The following CUX1 variants were observed in gnomAD, a reference collection of about 807,000 sequenced individuals.
CUX1 encodes the protein cut like homeobox 1.
CUX1 carries 31 observed loss-of-function variants against 158.8 expected under a neutral mutation model. That is an observed-to-expected ratio of 0.20 (90% CI 0.15 to 0.26). The LOEUF is 0.26. CUX1 is among the 10% of genes least tolerant of loss of function. The pLI is 1.00. For missense variants in CUX1, 1,589 were observed against 2,014.6 expected (o/e 0.79, Z 4.04); for synonymous variants, 879 against 862.1 (o/e 1.02, Z -0.34).
chr7:102,248,508 G>T lies in CUX1; in HGVS notation c.3984G>T (p.Arg1328=), dbSNP rs2132617926. The T allele has an allele frequency of 6.4e-7, 1 of 1,555,302 alleles. No individual in the cohort carries two copies. Among genetic ancestry groups the T allele is most frequent in the Non-Finnish European group, 8.7e-7 (1 of 1,154,398 alleles). ...ACTCACCCTCGGCCCGCAGCGGCCG[G>T]GCGGCGCCCAGCTCGGAGGGCGACA... ...ASDSPSARSG[R]AAPSSEGDSC... Residue 1328 remains arginine, a synonymous_variant, in exon 24 of 24, where the codon CGG becomes CGT. Transcript: ENST00000292535. The surrounding 1 kb of genome is among the most constrained non-coding windows in gnomAD (Gnocchi z 5.8).
chr7:102,040,236 G>A (rs566311078), intron 3 of CUX1, among the ~76,000 whole-genome samples: 13 of 152,208 alleles, frequency 8.5e-5, no homozygotes, highest in Admixed American at 7.2e-4. Flanking sequence ...GGAAGAGGTG[G>A]TAGTGACTTC....
chr7:102,228,350 C>A (rs1278510229), intron 21 of CUX1, among the ~76,000 whole-genome samples: 1 of 151,956 alleles, frequency 6.6e-6, no homozygotes, highest in Non-Finnish European at 1.5e-5. Flanking sequence ...ATAGCAAGAC[C>A]CCATCTCTAC....
At chr7:101,957,528 C>T (rs2129169182) in intron 2 of CUX1, among the ~76,000 whole-genome samples, 1 of 152,264 alleles carries the variant, frequency 6.6e-6, no homozygotes, top group East Asian at 1.9e-4. Context: ...CGAGACCAGC[C>T]TGGCCAACTT....
intron 8 of CUX1, among the ~76,000 whole-genome samples, chr7:102,143,943 C>T (rs1355183198): frequency 4.6e-5 from 7 of 151,878 alleles, no homozygotes; most frequent in East Asian, 3.9e-4. Context: ...CCACCCCACC[C>T]GGCCAATTTT....
At position 101,984,090 on chromosome 7, in the gene CUX1, ATATATATATAT is replaced by A. The variant is rs1357440055; in HGVS notation, c.142-44007_142-43997del. On this transcript the variant is annotated intron_variant, in intron 2 of 23. Coordinates refer to ENST00000292535, the MANE Select transcript of CUX1 (RefSeq NM_181552.4). The stretch of plus-strand genomic sequence containing the variant: ...TCTGTCCCCCCCCAAAAAAAAAAAA[ATATATATATAT>A]ATATATATATATATATATATATATA... Among the ~76,000 whole-genome samples the A allele has an allele frequency of 3.2e-3, 112 of 34,998 alleles. 13 individuals are homozygous for A. Among genetic ancestry groups the A allele is most frequent in the Non-Finnish European group, 4.8e-3 (95 of 19,884 alleles). The allele number at this position is 34,998 out of a possible 152,430, so 23.0% of individuals were successfully genotyped here. A position where few individuals can be genotyped will look rare whatever the true frequency, so the allele number is the denominator to read the frequency against.
intron 2 of CUX1, among the ~76,000 whole-genome samples, chr7:101,920,191 G>C (rs7791278): frequency 0.21 from 32,323 of 150,548 alleles, 4,741 homozygotes; most frequent in African/African-American, 0.42. Context: ...GCACGATCTT[G>C]GCTCACTGCA....
intron 1 of CUX1, chr7:101,824,239 C>T (rs1222267962): frequency 6.6e-6 from 1 of 152,140 alleles, no homozygotes; most frequent in Non-Finnish European, 1.5e-5. Flanking sequence ...CAGGTGTGCA[C>T]CACCACGCCC....
intron 4 of CUX1, among the ~76,000 whole-genome samples, chr7:102,086,712 C>A (rs1554480632): frequency 6.6e-6 from 1 of 151,870 alleles, no homozygotes; most frequent in African/African-American, 2.4e-5. Context: ...CGGGTTTATG[C>A]AATTCTCCTG....
intron 3 of CUX1, among the ~76,000 whole-genome samples, chr7:102,068,933 G>A (rs1276724228): frequency 2.0e-5 from 3 of 152,062 alleles, no homozygotes; most frequent in East Asian, 1.9e-4. Context: ...ATGAACAGAC[G>A]TCTACACTAG....
At chr7:101,941,359 A>G (rs1563039487) in intron 2 of CUX1, among the ~76,000 whole-genome samples, 1 of 152,182 alleles carries the variant, frequency 6.6e-6, no homozygotes, top group African/African-American at 2.4e-5. Context: ...TCATCGCTGC[A>G]TGGGGAGACC....
intron 2 of CUX1, among the ~76,000 whole-genome samples, chr7:101,967,903 G>T: frequency 6.6e-6 from 1 of 152,050 alleles, no homozygotes; most frequent in Non-Finnish European, 1.5e-5. Context: ...TTGGTTTGGG[G>T]ATTTTTCTTT....
intron 17 of CUX1, among the ~76,000 whole-genome samples, chr7:102,277,550 T>C (rs1396196887): frequency 1.3e-5 from 2 of 151,826 alleles, no homozygotes; most frequent in Non-Finnish European, 2.9e-5. Flanking sequence ...GAGCCGAGAT[T>C]GATTGCGTCG....
At chr7:102,008,997 C>T (rs889704165) in intron 2 of CUX1, among the ~76,000 whole-genome samples, 4 of 152,064 alleles carry the variant, frequency 2.6e-5, no homozygotes, top group African/African-American at 4.8e-5. Flanking sequence ...TACAGGGAAC[C>T]CTCGGCCCCG....
intron 6 of CUX1, among the ~76,000 whole-genome samples, chr7:102,106,414 C>G (rs1475005901): frequency 6.6e-6 from 1 of 152,074 alleles, no homozygotes; most frequent in African/African-American, 2.4e-5. Context: ...AAGGTGGGCT[C>G]TGTAACAATA....
At chr7:101,874,663 C>G (rs1182945045) in intron 1 of CUX1, among the ~76,000 whole-genome samples, 2 of 152,310 alleles carry the variant, frequency 1.3e-5, no homozygotes, top group East Asian at 3.9e-4. Context: ...CCCGGTCTGA[C>G]CCCGAGGTTC....
At chr7:102,180,046 G>A (rs1409587955) in intron 11 of CUX1, among the ~76,000 whole-genome samples, 1 of 152,016 alleles carries the variant, frequency 6.6e-6, no homozygotes, top group Non-Finnish European at 1.5e-5. Flanking sequence ...TTTTTGAGAC[G>A]GATTTTCGCT....
chr7:101,838,304 A>G (rs1168279497), intron 1 of CUX1, among the ~76,000 whole-genome samples: 1 of 150,934 alleles, frequency 6.6e-6, no homozygotes, highest in Non-Finnish European at 1.5e-5. Flanking sequence ...TAATTTTTAT[A>G]TGTTTAGTAG....
chr7:102,058,078 A>G (rs145971871), intron 3 of CUX1, among the ~76,000 whole-genome samples: 2 of 152,338 alleles, frequency 1.3e-5, no homozygotes, highest in African/African-American at 4.8e-5. Flanking sequence ...CAAAAAGATT[A>G]CAACTCCCTG....
intron 8 of CUX1, chr7:102,125,842 T>A (rs1832579432): frequency 6.6e-6 from 1 of 151,848 alleles, no homozygotes; most frequent in African/African-American, 2.4e-5. Context: ...TTTATTTATT[T>A]TTTTGAGACA....
Sources: gnomAD v4.1 joint callset for allele counts (sites outside exome capture counted in the v4.1 genomes callset) on GRCh38, gnomAD v4.1.1 for gene constraint, Gnocchi (gnomAD v3.1) non-coding constraint, MANE v1.5 for transcripts, NCBI Gene and HGNC (gene_info 2026-07-23, HGNC 2026-07-21) for gene names.